The following CDH12 variants were observed in gnomAD, a reference collection of about 807,000 sequenced individuals.
CDH12 encodes the protein cadherin-12.
CDH12 carries 41 observed loss-of-function variants against 74.1 expected under a neutral mutation model. The observed-to-expected ratio is 0.55, with a 90% confidence interval of 0.43 to 0.72. CDH12 has a LOEUF of 0.72. Ranked by LOEUF, CDH12 falls within the 30% of genes least tolerant of loss-of-function variation. The probability of loss-of-function intolerance (pLI) is 0.00; values close to 1 mark genes in which losing one functional copy is unlikely to be tolerated. For missense variants in CDH12, 945 were observed against 977.2 expected (o/e 0.97, Z 0.44); for synonymous variants, 399 against 355.0 (o/e 1.12, Z -1.39).
intron 8 of CDH12, among the ~76,000 whole-genome samples, chr5:21,828,896 T>C (rs1461135409): frequency 2.9e-5 from 4 of 136,808 alleles, no homozygotes; most frequent in African/African-American, 1.1e-4. Flanking sequence ...TACAACCCTT[T>C]AAATCCTATG....
chr5:22,817,675 A>G (rs553134660), intron 1 of CDH12, among the ~76,000 whole-genome samples: 73 of 152,270 alleles, frequency 4.8e-4, no homozygotes, highest in African/African-American at 1.6e-3. Flanking sequence ...GGAAGAACAG[A>G]AAAACTATGC....
chr5:22,680,351 A>C (rs924736908), intron 1 of CDH12, among the ~76,000 whole-genome samples: 1 of 152,096 alleles, frequency 6.6e-6, no homozygotes, highest in Non-Finnish European at 1.5e-5. Flanking sequence ...GTGCAAAAGA[A>C]ACCCTGTTGC....
intron 1 of CDH12, among the ~76,000 whole-genome samples, chr5:22,639,629 A>G (rs1056207638): frequency 6.6e-6 from 1 of 152,042 alleles, no homozygotes; most frequent in Non-Finnish European, 1.5e-5. Flanking sequence ...CTTGGAAATA[A>G]CATTTTTACT....
At chr5:22,184,748 G>A (rs570081691) in intron 4 of CDH12, among the ~76,000 whole-genome samples, 1 of 152,270 alleles carries the variant, frequency 6.6e-6, no homozygotes, top group South Asian at 2.1e-4. Context: ...CCCTTACTCT[G>A]CTGTGAATAT....
chr5:22,787,537 C>T (rs552433326), intron 1 of CDH12, among the ~76,000 whole-genome samples: 38 of 151,868 alleles, frequency 2.5e-4, no homozygotes, highest in Admixed American at 5.3e-4. Context: ...TGGATGACTC[C>T]GAAACTTATT....
intron 4 of CDH12, among the ~76,000 whole-genome samples, chr5:22,182,980 A>G (rs183667150): frequency 2.0e-3 from 301 of 151,802 alleles, no homozygotes; most frequent in African/African-American, 7.0e-3. Flanking sequence ...AGAATAATAG[A>G]GATAAGTACT....
chr5:21,820,955 T>C (rs1267883711), intron 8 of CDH12, among the ~76,000 whole-genome samples: 1 of 151,974 alleles, frequency 6.6e-6, no homozygotes, highest in Admixed American at 6.6e-5. Flanking sequence ...AATAAAAATA[T>C]ATATTTACAA....
At chr5:22,270,007 T>C (rs965050700) in intron 3 of CDH12, among the ~76,000 whole-genome samples, 8 of 152,192 alleles carry the variant, frequency 5.3e-5, no homozygotes, top group Non-Finnish European at 7.3e-5. Flanking sequence ...TATTAATGTA[T>C]TTTAAAGTAG....
At chr5:22,471,402 A>C (rs1026571763) in intron 2 of CDH12, among the ~76,000 whole-genome samples, 1 of 152,282 alleles carries the variant, frequency 6.6e-6, no homozygotes, top group East Asian at 1.9e-4. Context: ...CTCTTACAAT[A>C]GCCTTCCATA....
Position 22,486,440 on chromosome 5 carries a change from C to T in CDH12, c.-428+18830G>A, listed in dbSNP as rs903109885. 4.7e-5 allele frequency among the ~76,000 whole-genome samples: 7 copies of T among 148,588 alleles called. No individual in the cohort carries two copies. In the South Asian group the frequency reaches 6.4e-4, roughly 14 times the overall value. The stretch of plus-strand genomic sequence containing the variant: ...GAAGCAAAAGGATGAGAAGTGGTAA[C>T]TAGTAATTTTTTTTTTTTTTTTTTT... On this transcript the variant is annotated intron_variant, in intron 2 of 14. Transcript: ENST00000382254.
chr5:22,301,286 A>G (rs1737869033), intron 3 of CDH12, among the ~76,000 whole-genome samples: 2 of 152,300 alleles, frequency 1.3e-5, no homozygotes, highest in Admixed American at 1.3e-4. Flanking sequence ...TTATTCATTC[A>G]TTCACCAAAT....
intron 6 of CDH12, among the ~76,000 whole-genome samples, chr5:21,954,728 T>A (rs1265723007): frequency 6.6e-6 from 1 of 151,832 alleles, no homozygotes; most frequent in Non-Finnish European, 1.5e-5. Flanking sequence ...ACAGGAGGGG[T>A]TTTAATACTG....
At chr5:22,316,884 C>T (rs1296434210) in intron 3 of CDH12, among the ~76,000 whole-genome samples, 3 of 151,882 alleles carry the variant, frequency 2.0e-5, no homozygotes, top group Non-Finnish European at 4.4e-5. Context: ...ATTATTTTTC[C>T]CTCTGCTCTA....
rs73062558 is a variant in CDH12 at position 22,230,322 on chromosome 5, T to C, written c.-332-17679A>G. On this transcript the variant is annotated intron_variant, in intron 3 of 14. Transcript: ENST00000382254. ...TTCCAGTACCACACAATACATAATA[T>C]CATTATTTTTCTGGTATCCTTAGTG... Among the ~76,000 whole-genome samples, 636 of 152,166 alleles carry C rather than the reference T, an allele frequency of 4.2e-3. 5 individuals carry two copies. Among genetic ancestry groups the C allele is most frequent in the African/African-American group, 0.015 (615 of 41,518 alleles).
intron 1 of CDH12, among the ~76,000 whole-genome samples, chr5:22,707,288 A>T (rs1388262868): frequency 2.0e-5 from 3 of 152,210 alleles, no homozygotes; most frequent in Admixed American, 6.5e-5. Flanking sequence ...TGCAAATTAA[A>T]TCCGTCTTTG....
At chr5:21,817,274 A>T (rs1360675898) in intron 8 of CDH12, 142 bp from the exon 9 acceptor site, 1 of 552,784 alleles carries the variant, frequency 1.8e-6, no homozygotes, top group Non-Finnish European at 3.1e-6. Context: ...ATTTGCTGTC[A>T]AGTTAAGGAT....
chr5:22,499,221 ATCT>A (rs1747236997), intron 2 of CDH12, among the ~76,000 whole-genome samples: 1 of 152,022 alleles, frequency 6.6e-6, no homozygotes, highest in African/African-American at 2.4e-5. Flanking sequence ...GCCCAGTGTG[ATCT>A]TCTTAAAAGG....
chr5:21,880,564 C>CCTTCCTTCCTTCCCTTCT (rs1561268045), intron 6 of CDH12, among the ~76,000 whole-genome samples: 3 of 14,482 alleles, frequency 2.1e-4, no homozygotes, highest in African/African-American at 3.6e-4. Context: ...CCTTCCTTCC[C>CCTTCCTTCCTTCCCTTCT]TTCTTTCTTT....
intron 1 of CDH12, among the ~76,000 whole-genome samples, chr5:22,811,371 A>G (rs900474313): frequency 6.6e-6 from 1 of 152,162 alleles, no homozygotes; most frequent in African/African-American, 2.4e-5. Flanking sequence ...GATTGTGAGC[A>G]GAAAGAGAGA....
Sources: allele counts gnomAD v4.1 joint callset (sites outside exome capture counted in the v4.1 genomes callset), GRCh38; gene constraint gnomAD v4.1.1; transcripts MANE v1.5; gene names NCBI Gene and HGNC (gene_info 2026-07-23, HGNC 2026-07-21).